Variants in CLYBL observed in about 807,000 individuals in gnomAD.
CLYBL encodes the protein citramalyl-CoA lyase.
In CLYBL, 31 loss-of-function variants were observed where a neutral mutation model predicts 38.9. The ratio of observed to expected loss-of-function variants is 0.80; its 90% CI spans 0.60 to 1.08. The LOEUF (loss-of-function observed/expected upper bound fraction) is 1.08, where lower values mean the gene tolerates loss of function less well. Ranked by LOEUF, CLYBL falls within the 50% of genes least tolerant of loss-of-function variation. The probability of loss-of-function intolerance (pLI) is 0.00; values close to 1 mark genes in which losing one functional copy is unlikely to be tolerated. For synonymous variants in CLYBL, 171 were observed against 158.6 expected, an observed-to-expected ratio of 1.08 and a Z score of -0.59; for missense variants, 434 against 411.6, an observed-to-expected ratio of 1.05 and a Z score of -0.47.
intron 1 of CLYBL, among the ~76,000 whole-genome samples, chr13:99,699,941 G>A (rs9585196): frequency 0.35 from 53,301 of 151,732 alleles, 10,338 homozygotes; most frequent in Middle Eastern, 0.46. Context: ...GCAGTGAGCC[G>A]AGATTGCACC....
intron 1 of CLYBL, among the ~76,000 whole-genome samples, chr13:99,753,777 A>G (rs16956889): frequency 0.037 from 5,591 of 152,230 alleles, 323 homozygotes; most frequent in African/African-American, 0.13. Flanking sequence ...CTGGACTGCT[A>G]CTTATATGAC....
downstream of CLYBL, chr13:99,896,656 C>T (rs2052583981): frequency 4.6e-5 from 7 of 152,384 alleles, no homozygotes; most frequent in Admixed American, 3.9e-4. Context: ...CCAGTCGAAT[C>T]GCCCACTTTG....
intron 2 of CLYBL, among the ~76,000 whole-genome samples, chr13:99,829,003 C>A (rs1009341282): frequency 6.6e-6 from 1 of 152,188 alleles, no homozygotes; most frequent in African/African-American, 2.4e-5. Flanking sequence ...CTGAAGCCAG[C>A]AGCCATGCAA....
chr13:99,832,041 T>C (rs903630255), intron 2 of CLYBL, among the ~76,000 whole-genome samples: 4 of 152,246 alleles, frequency 2.6e-5, no homozygotes, highest in African/African-American at 9.6e-5. Flanking sequence ...TGTTAGAATA[T>C]GATGTTAATG....
chr13:99,857,972 A>G (rs1462259188), intron 2 of CLYBL, among the ~76,000 whole-genome samples: 3 of 152,184 alleles, frequency 2.0e-5, no homozygotes, highest in Non-Finnish European at 4.4e-5. Context: ...TTGGCTTTTG[A>G]AACTGAAATT....
chr13:99,809,235 T>C (rs2050291985), intron 2 of CLYBL, among the ~76,000 whole-genome samples: 1 of 152,230 alleles, frequency 6.6e-6, no homozygotes, highest in Non-Finnish European at 1.5e-5. Flanking sequence ...GTATTATTTA[T>C]TTTAATCGTC....
At chr13:99,659,341 C>A (rs2047376725) in intron 1 of CLYBL, among the ~76,000 whole-genome samples, 1 of 152,130 alleles carries the variant, frequency 6.6e-6, no homozygotes, top group Non-Finnish European at 1.5e-5. Flanking sequence ...TGATTTCACA[C>A]AGGAGCATTC....
At chr13:99,880,092 G>T (rs1168257695) in intron 7 of CLYBL, among the ~76,000 whole-genome samples, 1 of 116,866 alleles carries the variant, frequency 8.6e-6, no homozygotes, top group Non-Finnish European at 1.7e-5. Context: ...TTTTGAGACA[G>T]AGTCTTGTTC....
At chr13:99,711,179 T>C (rs1158971714) in intron 1 of CLYBL, among the ~76,000 whole-genome samples, 1 of 152,044 alleles carries the variant, frequency 6.6e-6, no homozygotes, top group African/African-American at 2.4e-5. Context: ...CTCACAGTTA[T>C]CTATTTGTCT....
intron 2 of CLYBL, among the ~76,000 whole-genome samples, chr13:99,835,727 C>T (rs772879680): frequency 3.5e-4 from 53 of 152,324 alleles, no homozygotes; most frequent in Admixed American, 1.6e-3. Flanking sequence ...GTGCCTAACA[C>T]AGCTGAGTAG....
chr13:99,739,928 A>G (rs2139596568), intron 1 of CLYBL, among the ~76,000 whole-genome samples: 1 of 152,280 alleles, frequency 6.6e-6, no homozygotes, highest in East Asian at 1.9e-4. Flanking sequence ...TCAAGATCGT[A>G]CCATTGCACT....
At chr13:99,690,348 A>G (rs2047881735) in intron 1 of CLYBL, 1 of 152,202 alleles carries the variant, frequency 6.6e-6, no homozygotes, top group Non-Finnish European at 1.5e-5. Flanking sequence ...AGATCTGATT[A>G]AAAGGAACCT....
At chr13:99,810,314 A>G (rs1414404440) in intron 2 of CLYBL, among the ~76,000 whole-genome samples, 1 of 152,212 alleles carries the variant, frequency 6.6e-6, no homozygotes, top group Admixed American at 6.5e-5. Flanking sequence ...GAGAGTGTAA[A>G]ACAGGACTCC....
intron 1 of CLYBL, among the ~76,000 whole-genome samples, chr13:99,678,011 G>A (rs2047679336): frequency 6.6e-6 from 1 of 152,272 alleles, no homozygotes; most frequent in Middle Eastern, 3.4e-3. Flanking sequence ...AATATTTGGA[G>A]GAAACCGTAT....
chr13:99,827,232 G>A (rs1165916909), intron 2 of CLYBL, among the ~76,000 whole-genome samples: 3 of 152,244 alleles, frequency 2.0e-5, no homozygotes, highest in East Asian at 1.9e-4. Context: ...TCAATTGTCC[G>A]TGACTGTGTT....
downstream of CLYBL, chr13:99,894,971 C>G (rs900606803): frequency 6.6e-6 from 1 of 152,166 alleles, no homozygotes; most frequent in African/African-American, 2.4e-5. Flanking sequence ...CTCCCGGCCG[C>G]CCTCCCCTCC....
At chr13:99,646,788 T>A (rs911269530) in intron 1 of CLYBL, among the ~76,000 whole-genome samples, 1 of 151,516 alleles carries the variant, frequency 6.6e-6, no homozygotes, top group African/African-American at 2.4e-5. Flanking sequence ...CCTCCCAAAG[T>A]GCTGGGACTA....
intron 7 of CLYBL, among the ~76,000 whole-genome samples, chr13:99,873,609 T>G (rs1484464053): frequency 4.6e-5 from 7 of 152,204 alleles, no homozygotes; most frequent in African/African-American, 1.7e-4. Flanking sequence ...TTTTCTGCAC[T>G]TCTTCCTGCT....
At chr13:99,675,955 G>A (rs1331876773) in intron 1 of CLYBL, among the ~76,000 whole-genome samples, 1 of 152,158 alleles carries the variant, frequency 6.6e-6, no homozygotes, top group African/African-American at 2.4e-5. Context: ...CCGGGTTCAA[G>A]TTGTTCTTGT....
Sources: allele counts gnomAD v4.1 joint callset (sites outside exome capture counted in the v4.1 genomes callset), GRCh38; gene constraint gnomAD v4.1.1; transcripts MANE v1.5; gene names NCBI Gene and HGNC (gene_info 2026-07-23, HGNC 2026-07-21).